Variants in GPC6 observed in about 807,000 individuals in gnomAD.
GPC6 encodes glypican 6.
GPC6 carries 14 observed loss-of-function variants against 55.2 expected under a neutral mutation model. The observed-to-expected ratio is 0.25, with a 90% CI of 0.17 to 0.40. The LOEUF is 0.40. Among genes scored for constraint, GPC6 ranks in the 10% least tolerant of loss-of-function variants. The pLI, the probability that GPC6 is intolerant of heterozygous loss-of-function variation, is 1.00. For synonymous variants in GPC6, 278 were observed against 259.6 expected, an observed-to-expected ratio of 1.07 and a Z score of -0.68; for missense variants, 641 against 708.5, an observed-to-expected ratio of 0.90 and a Z score of 1.08.
intron 1 of GPC6, among the ~76,000 whole-genome samples, chr13:93,468,216 C>A (rs767570274): frequency 6.6e-6 from 1 of 151,772 alleles, no homozygotes; most frequent in East Asian, 1.9e-4. Flanking sequence ...TCTTCAATTA[C>A]TGGTCTTGAT....
At chr13:93,834,132 A>G (rs145682681) in intron 3 of GPC6, among the ~76,000 whole-genome samples, 14 of 152,302 alleles carry the variant, frequency 9.2e-5, no homozygotes, top group South Asian at 2.1e-4. Context: ...TAAAACTTCA[A>G]TTTCATCCGG....
At chr13:93,887,813 T>C (rs1016621327) in intron 3 of GPC6, among the ~76,000 whole-genome samples, 1 of 152,126 alleles carries the variant, frequency 6.6e-6, no homozygotes. Context: ...TAAACAAAAA[T>C]GTAGTTGATT....
chr13:93,423,183 G>C (rs1876989265), intron 1 of GPC6, among the ~76,000 whole-genome samples: 4 of 152,136 alleles, frequency 2.6e-5, no homozygotes, highest in Admixed American at 2.6e-4. Flanking sequence ...AACAATGCTT[G>C]CCTTGCAGTT....
chr13:93,441,161 G>A (rs1371214141), intron 1 of GPC6, among the ~76,000 whole-genome samples: 1 of 152,162 alleles, frequency 6.6e-6, no homozygotes, highest in African/African-American at 2.4e-5. Context: ...ACATATGTGT[G>A]CATGTGTCTT....
chr13:93,303,901 C>G (rs1878767420), intron 1 of GPC6, among the ~76,000 whole-genome samples: 1 of 133,882 alleles, frequency 7.5e-6, no homozygotes, highest in African/African-American at 2.8e-5. Flanking sequence ...GAGATGGAGT[C>G]TCTATTGCCC....
At chr13:93,308,017 G>A (rs909706823) in intron 1 of GPC6, among the ~76,000 whole-genome samples, 6 of 152,156 alleles carry the variant, frequency 3.9e-5, no homozygotes, top group African/African-American at 1.4e-4. Context: ...GGGCACGGTG[G>A]CTCACGTCTG....
intron 6 of GPC6, among the ~76,000 whole-genome samples, chr13:94,329,552 T>A (rs1877302531): frequency 6.6e-6 from 1 of 152,218 alleles, no homozygotes; most frequent in Non-Finnish European, 1.5e-5. Context: ...GGAGGTTTAT[T>A]CTCCACAGGA....
intron 6 of GPC6, among the ~76,000 whole-genome samples, chr13:94,358,568 G>A (rs1172697804): frequency 6.6e-6 from 1 of 152,180 alleles, no homozygotes; most frequent in Non-Finnish European, 1.5e-5. Flanking sequence ...AGATCACACT[G>A]TCTACTCTTT....
chr13:93,258,688 T>C (rs1259872863), intron 1 of GPC6, among the ~76,000 whole-genome samples: 4 of 151,982 alleles, frequency 2.6e-5, no homozygotes, highest in African/African-American at 9.7e-5. Context: ...CCTGTAATCC[T>C]AGCACTTTAG....
At chr13:93,689,190 C>T (rs141010588) in intron 2 of GPC6, among the ~76,000 whole-genome samples, 199 of 151,932 alleles carry the variant, frequency 1.3e-3, no homozygotes, top group Non-Finnish European at 2.1e-3. Flanking sequence ...GCACAAATGG[C>T]GATCCCAGAA....
At chr13:93,485,840 A>T (rs924808709) in intron 1 of GPC6, among the ~76,000 whole-genome samples, 5 of 152,120 alleles carry the variant, frequency 3.3e-5, no homozygotes, top group Non-Finnish European at 5.9e-5. Flanking sequence ...CCAGGTAATG[A>T]TGGGGTATAT....
chr13:94,016,752 A>G (rs1054477474), intron 3 of GPC6, among the ~76,000 whole-genome samples: 5 of 152,066 alleles, frequency 3.3e-5, no homozygotes, highest in African/African-American at 1.2e-4. Flanking sequence ...TCCTTCAGCA[A>G]TGTTCTGTAG....
intron 1 of GPC6, among the ~76,000 whole-genome samples, chr13:93,332,174 C>A (rs1398365788): frequency 1.3e-5 from 2 of 151,916 alleles, no homozygotes; most frequent in East Asian, 3.9e-4. Flanking sequence ...CATGGGAATG[C>A]AGATATTTCT....
rs1883675466 is a variant in GPC6 at position 93,727,224 on chromosome 13, A to C, written c.320-102930A>C. Among the ~76,000 whole-genome samples the C allele has an allele frequency of 2.0e-5, 3 of 152,166 alleles. No individual in the cohort carries two copies. The South Asian group carries it at 6.2e-4, about 32-fold the overall frequency. On this transcript the variant is annotated intron_variant, in intron 2 of 8. Coordinates refer to ENST00000377047, the MANE Select transcript of GPC6 (RefSeq NM_005708.5). ...TAATAGTAATAATATTTTCCACTAA[A>C]ATATACTGCTCTTACCATGTAAAGT...
At chr13:93,221,012 A>G in the GPC6 span, among the ~76,000 whole-genome samples, 1 of 152,200 alleles carries the variant, frequency 6.6e-6, no homozygotes, top group Non-Finnish European at 1.5e-5. Flanking sequence ...CTTCCCAAGT[A>G]GCTGGGATTA....
At chr13:93,259,402 A>G (rs1741482178) in intron 1 of GPC6, among the ~76,000 whole-genome samples, 2 of 152,186 alleles carry the variant, frequency 1.3e-5, no homozygotes, top group Non-Finnish European at 2.9e-5. Context: ...GAATATAATC[A>G]GATTTATGTA....
At chr13:94,381,529 ACTTCACTTTAACTT>A in intron 6 of GPC6, among the ~76,000 whole-genome samples, 1 of 152,214 alleles carries the variant, frequency 6.6e-6, no homozygotes, top group East Asian at 1.9e-4. Context: ...CACCCACATG[ACTTCACTTTAACTT>A]CTTTAGCTCT....
intron 3 of GPC6, among the ~76,000 whole-genome samples, chr13:93,863,339 T>TA (rs1387594794): frequency 6.6e-6 from 1 of 151,668 alleles, no homozygotes. Flanking sequence ...GCCTACAAAG[T>TA]AAAAAATATT....
intron 3 of GPC6, among the ~76,000 whole-genome samples, chr13:93,949,744 T>C (rs1879169079): frequency 6.6e-6 from 1 of 152,190 alleles, no homozygotes; most frequent in African/African-American, 2.4e-5. Flanking sequence ...AAAAATTTTT[T>C]TGAGGCTGGG....
Sources: gnomAD v4.1 joint callset for allele counts (sites outside exome capture counted in the v4.1 genomes callset) on GRCh38, gnomAD v4.1.1 for gene constraint, MANE v1.5 for transcripts, NCBI Gene and HGNC (gene_info 2026-07-23, HGNC 2026-07-21) for gene names.